ABCC1: variants seen among roughly 807,000 people sequenced by gnomAD.
The protein encoded by ABCC1 is ATP binding cassette subfamily C member 1 (ABCC1 blood group).
In ABCC1, 83 loss-of-function variants were observed where a neutral mutation model predicts 172.9. The ratio of observed to expected loss-of-function variants is 0.48; its 90% CI spans 0.40 to 0.58. ABCC1 has a LOEUF of 0.58. ABCC1 is among the 20% of genes least tolerant of loss of function. ABCC1 has a pLI of 0.00. For missense variants in ABCC1, 1,817 were observed against 2,002.7 expected, an observed-to-expected ratio of 0.91 and a Z score of 1.77; for synonymous variants, 937 against 825.2, an observed-to-expected ratio of 1.14 and a Z score of -2.32.
At chr16:15,962,094 A>G (rs2046146755) in intron 1 of ABCC1, among the ~76,000 whole-genome samples, 1 of 152,212 alleles carries the variant, frequency 6.6e-6, no homozygotes, top group Non-Finnish European at 1.5e-5. Flanking sequence ...TTTTCCTGCC[A>G]TATCAGAAAA....
Position 16,134,489 on chromosome 16 carries a change from A to G in ABCC1, c.4106A>G (p.Lys1369Arg), listed in dbSNP as rs751883360. 3.1e-6 allele frequency: 5 copies of G among 1,614,198 alleles called. No individual in the cohort carries two copies. The highest frequency in any genetic ancestry group is 2.2e-5 in the East Asian group (1 of 44,884). Reference sequence around the variant, plus strand: ...ATCGGCCTGCACGACCTCCGCTTCAAGATCACCATCATCCCCCAGGTGGGG... The same window carrying G: ...ATCGGCCTGCACGACCTCCGCTTCAGGATCACCATCATCCCCCAGGTGGGG... ...AKIGLHDLRF[K>R]ITIIPQDPVL... Residue 1369 changes from lysine to arginine, a missense_variant, in exon 28 of 31, where the codon AAG (lysine) becomes AGG (arginine). Coordinates refer to ENST00000399410, the MANE Select transcript of ABCC1 (RefSeq NM_004996.4).
chr16:16,008,208 ATTT>A (rs1029047193), intron 2 of ABCC1, among the ~76,000 whole-genome samples: 1 of 151,936 alleles, frequency 6.6e-6, no homozygotes, highest in Non-Finnish European at 1.5e-5. Context: ...CCTCGAGCAA[ATTT>A]TTTAACCTCC....
chr16:16,128,183 GT>G (rs59040014), intron 26 of ABCC1, among the ~76,000 whole-genome samples: 144,834 of 150,514 alleles, frequency 0.96, 69,911 homozygotes, highest in Middle Eastern at 1. Flanking sequence ...ATTGAATTCA[GT>G]TTTTTTTTTG....
chr16:16,014,549 T>C lies in ABCC1; in HGVS notation c.410T>C (p.Ile137Thr). 1 of 1,614,188 alleles carries C rather than the reference T, an allele frequency of 6.2e-7. No individual in the cohort carries two copies. Among genetic ancestry groups the C allele is most frequent in the Non-Finnish European group, 8.5e-7 (1 of 1,180,030 alleles). Residue 137 changes from isoleucine to threonine, a missense_variant, in exon 4 of 31, where the codon ATC (isoleucine) becomes ACC (threonine). Around this residue, in one of 3 missense-constraint regions of ABCC1, gnomAD observed 398 missense variants for 384.2 expected, o/e 1.04. Transcript: ENST00000399410. ...ERRKGVQSSG[I>T]MLTFWLVALV... ...AGGAAGGGAGTTCAGTCTTCAGGGA[T>C]CATGCTCACTTTCTGGCTGGTAGCC...
chr16:16,118,995 G>A (rs1004090051), intron 23 of ABCC1, among the ~76,000 whole-genome samples: 6 of 151,946 alleles, frequency 3.9e-5, no homozygotes, highest in Non-Finnish European at 8.8e-5. Context: ...ACAGGACCGT[G>A]GAGAAATAAA....
rs1470111746 is a variant in ABCC1 at position 16,133,079 on chromosome 16, G to T, written c.3966+1144G>T. 3.3e-5 allele frequency among the ~76,000 whole-genome samples: 5 copies of T among 152,228 alleles called. No homozygotes were observed. In the East Asian group the frequency reaches 5.8e-4, roughly 18 times the overall value. The stretch of plus-strand genomic sequence containing the variant: ...AAGGTGTCACCATCCCTTCTAGGGG[G>T]ATGGCTCAAGGGAAGTGAGAAATTG... On this transcript the variant is annotated intron_variant, in intron 27 of 30. Transcript: ENST00000399410.
intron 1 of ABCC1, among the ~76,000 whole-genome samples, chr16:15,967,972 A>G (rs897994832): frequency 6.6e-6 from 1 of 152,176 alleles, no homozygotes; most frequent in Non-Finnish European, 1.5e-5. Context: ...TAAGGGGTAC[A>G]GTATAGAATG....
In ABCC1 at chr16:16,048,292, C is replaced by T. The variant is rs767344790; in HGVS notation, c.1369C>T (p.Leu457Phe). ...CCTGCAAGTCATCCTTGCTCTCTAC[C>T]TCCTGTGGCTGGTGTGTGTTTAACG... ...APLQVILALY[L>F]LWLNLGPSVL... The change falls in exon 10 of 31, where the codon CTC becomes TTC. Residue 457 changes from leucine to phenylalanine, a missense_variant. Leu to Phe is a conservative substitution (Grantham distance 22). Transcript: ENST00000399410. The T allele has an allele frequency of 6.2e-7, 1 of 1,614,102 alleles. No individual in the cohort carries two copies. Among genetic ancestry groups the T allele is most frequent in the South Asian group, 1.1e-5 (1 of 91,082 alleles).
chr16:15,980,304 A>T (rs2046592911), intron 1 of ABCC1, among the ~76,000 whole-genome samples: 1 of 152,138 alleles, frequency 6.6e-6, no homozygotes, highest in South Asian at 2.1e-4. Flanking sequence ...CAGGAGTTCG[A>T]GACCAGCCTC....
rs200533486 is a variant in ABCC1 at position 16,138,358 on chromosome 16, G to A, written c.4293-6G>A. 8.9e-6 allele frequency: 14 copies of A among 1,570,976 alleles called. No homozygotes were observed. The highest frequency in any genetic ancestry group is 1.0e-5 in the Non-Finnish European group (12 of 1,149,478). On this transcript the variant is annotated splice_polypyrimidine_tract_variant and splice_region_variant and intron_variant, in intron 29 of 30. Coordinates refer to ENST00000399410, the MANE Select transcript of ABCC1 (RefSeq NM_004996.4). ...ACTATCTCCTGGTTTTTTTCTTCCG[G>A]TCAAGTGTCGGGCAGCGCCAGCTTG...
At chr16:15,963,948 CTT>C (rs552888444) in intron 1 of ABCC1, among the ~76,000 whole-genome samples, 3 of 146,134 alleles carry the variant, frequency 2.1e-5, no homozygotes. Flanking sequence ...AATTTCCACA[CTT>C]TTTTTTTTTT....
chr16:16,064,183 C>T (rs1200235669), intron 12 of ABCC1, among the ~76,000 whole-genome samples: 1 of 152,180 alleles, frequency 6.6e-6, no homozygotes, highest in Non-Finnish European at 1.5e-5. Context: ...CCACGTTTCT[C>T]AGAAAAGGCA....
intron 1 of ABCC1, among the ~76,000 whole-genome samples, chr16:15,983,552 C>CTTTTTTTTT (rs11416710): frequency 7.9e-6 from 1 of 126,530 alleles, no homozygotes. Context: ...GTACACCACA[C>CTTTTTTTTT]TTTTTTTTTT....
At chr16:16,107,380 C>T (rs1298786669) in intron 21 of ABCC1, among the ~76,000 whole-genome samples, 1 of 152,066 alleles carries the variant, frequency 6.6e-6, no homozygotes, top group Admixed American at 6.6e-5. Flanking sequence ...ACCTCTGCCT[C>T]CTGGGTTCAA....
intron 13 of ABCC1, among the ~76,000 whole-genome samples, chr16:16,069,393 AT>A (rs1380720960): frequency 6.6e-6 from 1 of 150,792 alleles, no homozygotes; most frequent in African/African-American, 2.4e-5. Context: ...TTTTGTTTTT[AT>A]TTTTTAGAAA....
intron 3 of ABCC1, among the ~76,000 whole-genome samples, chr16:16,012,720 C>T (rs1443253282): frequency 1.9e-4 from 24 of 125,738 alleles, no homozygotes; most frequent in Admixed American, 1.6e-3. Context: ...CAGAGTTTCG[C>T]TCTTTTTTCC....
chr16:16,015,897 C>T (rs948542602), intron 4 of ABCC1, among the ~76,000 whole-genome samples: 3 of 152,156 alleles, frequency 2.0e-5, no homozygotes, highest in African/African-American at 4.8e-5. Context: ...GGTGGGGAAT[C>T]TGAGGCACAG....
chr16:16,137,524 AGGGATGCAT>A (rs1337740292), intron 29 of ABCC1, among the ~76,000 whole-genome samples: 2 of 144,190 alleles, frequency 1.4e-5, no homozygotes, highest in Non-Finnish European at 1.5e-5. Flanking sequence ...CAGTTGGATA[AGGGATGCAT>A]GGGTATGAGG....
chr16:16,066,022 G>A (rs1459622126), intron 12 of ABCC1, among the ~76,000 whole-genome samples: 2 of 151,998 alleles, frequency 1.3e-5, no homozygotes, highest in South Asian at 2.1e-4. Context: ...ATTCCAGGAC[G>A]TTTTCATTAC....
Sources: gnomAD v4.1 joint callset for allele counts (sites outside exome capture counted in the v4.1 genomes callset) on GRCh38, gnomAD v4.1.1 for gene constraint, gnomAD v4.1.1 regional missense constraint, MANE v1.5 for transcripts, NCBI Gene and HGNC (gene_info 2026-07-23, HGNC 2026-07-21) for gene names.